ZHX3: variants seen among roughly 807,000 people sequenced by gnomAD.
ZHX3 encodes zinc fingers and homeoboxes protein 3.
ZHX3 carries 20 observed loss-of-function variants against 64.5 expected under a neutral mutation model. The observed-to-expected ratio is 0.31, with a 90% CI of 0.22 to 0.45. ZHX3 has a LOEUF of 0.45. ZHX3 is among the 20% of genes least tolerant of loss of function. The probability of loss-of-function intolerance (pLI) is 1.00; values close to 1 mark genes in which losing one functional copy is unlikely to be tolerated. For synonymous variants in ZHX3, 423 were observed against 461.6 expected (o/e 0.92, Z 1.07); for missense variants, 1,041 against 1,195.8 (o/e 0.87, Z 1.91).
At chr20:41,246,144 T>C (rs1272237978) in intron 2 of ZHX3, among the ~76,000 whole-genome samples, 1 of 152,240 alleles carries the variant, frequency 6.6e-6, no homozygotes, top group Non-Finnish European at 1.5e-5. Flanking sequence ...GTAGAATGAA[T>C]GCTGCATAAA....
At chr20:41,266,176 T>G (rs1050268914) in intron 2 of ZHX3, among the ~76,000 whole-genome samples, 3 of 152,122 alleles carry the variant, frequency 2.0e-5, no homozygotes, top group African/African-American at 7.2e-5. Flanking sequence ...AAGATTAATT[T>G]TAAAAGACTT....
At chr20:41,237,134 GA>G (rs780617078) in intron 2 of ZHX3, among the ~76,000 whole-genome samples, 1 of 152,160 alleles carries the variant, frequency 6.6e-6, no homozygotes, top group Non-Finnish European at 1.5e-5. Context: ...AGAGGATCTG[GA>G]AAAATAGGAA....
chr20:41,206,681 C>G (rs2038739851), intron 2 of ZHX3, among the ~76,000 whole-genome samples: 1 of 152,134 alleles, frequency 6.6e-6, no homozygotes, highest in Non-Finnish European at 1.5e-5. Flanking sequence ...GATTGGTGTA[C>G]CTGAAAATGA....
At chr20:41,292,297 T>G (rs1230157033) in intron 1 of ZHX3, among the ~76,000 whole-genome samples, 1 of 152,194 alleles carries the variant, frequency 6.6e-6, no homozygotes, top group African/African-American at 2.4e-5. Flanking sequence ...CTGAACATAT[T>G]AATCAACAGT....
At chr20:41,206,206 A>T (rs1187556882) in intron 2 of ZHX3, among the ~76,000 whole-genome samples, 1 of 152,248 alleles carries the variant, frequency 6.6e-6, no homozygotes. Context: ...AAACCAGAGC[A>T]GAAAAGCTGA....
At chr20:41,222,413 A>AG (rs902326437) in intron 2 of ZHX3, among the ~76,000 whole-genome samples, 1 of 152,200 alleles carries the variant, frequency 6.6e-6, no homozygotes, top group Admixed American at 6.5e-5. Flanking sequence ...GTCCTTTTCC[A>AG]GGGGAAAAAC....
intron 2 of ZHX3, among the ~76,000 whole-genome samples, chr20:41,235,187 G>C (rs1178775450): frequency 6.6e-6 from 1 of 151,816 alleles, no homozygotes; most frequent in Admixed American, 6.6e-5. Context: ...TGGTTCTATG[G>C]CAAACAACAA....
At chr20:41,259,780 T>C (rs985333625) in intron 2 of ZHX3, among the ~76,000 whole-genome samples, 5 of 152,158 alleles carry the variant, frequency 3.3e-5, no homozygotes, top group Non-Finnish European at 7.4e-5. Context: ...TCTGGGAGAA[T>C]AGGATTATCG....
chr20:41,224,241 C>T lies in ZHX3; in HGVS notation c.-150-19175G>A, dbSNP rs985850051. Among the ~76,000 whole-genome samples the T allele has an allele frequency of 6.6e-6, 1 of 152,130 alleles. No homozygotes were observed. Among genetic ancestry groups the T allele is most frequent in the African/African-American group, 2.4e-5 (1 of 41,442 alleles). On this transcript the variant is annotated intron_variant, in intron 2 of 3. Coordinates refer to ENST00000683867, the MANE Select transcript of ZHX3 (RefSeq NM_001384317.1). This position sits in a 1 kb window ranked among gnomAD's most constrained non-coding sequence, Gnocchi z 5.2. ...TCATTTATGACAATTTATTACAAAG[C>T]CCCTTTCTTAGTTGGACCTGGTTCC...
intron 2 of ZHX3, chr20:41,267,725 TGAA>T (rs981782936): frequency 2.6e-5 from 4 of 152,168 alleles, no homozygotes; most frequent in African/African-American, 7.2e-5. Flanking sequence ...AGCAGAAACC[TGAA>T]GAAGGAGGGC....
rs749456718 is a variant in ZHX3, at chr20:41,202,717, C to A, written c.2200G>T (p.Val734Phe). ...TCGTTCCTGCCATTGGCTTCAGTGA[C>A]CCTCAGGTTCTTCAGGTTGATTTTA... ...PIKINLKNLR[V>F]TEANGRNEIP... is the part of the protein sequence containing the mutation. The change falls in exon 3 of 4, where the codon GTC becomes TTC. Residue 734 changes from valine (V) to phenylalanine (F), a missense_variant. Transcript: ENST00000683867. The surrounding 1 kb of genome is among the most constrained non-coding windows in gnomAD (Gnocchi z 7.0). 1.2e-6 allele frequency: 2 copies of A among 1,614,168 alleles called. No individual in the cohort carries two copies. Among genetic ancestry groups the A allele is most frequent in the South Asian group, 2.2e-5 (2 of 91,082 alleles).
chr20:41,294,313 C>G (rs529288537), intron 1 of ZHX3, among the ~76,000 whole-genome samples: 1 of 152,148 alleles, frequency 6.6e-6, no homozygotes, highest in Non-Finnish European at 1.5e-5. Context: ...TGATGTCATA[C>G]CTTAAACTTA....
chr20:41,303,879 T>C (rs1202805452), intron 1 of ZHX3, among the ~76,000 whole-genome samples: 1 of 152,176 alleles, frequency 6.6e-6, no homozygotes, highest in Non-Finnish European at 1.5e-5. Flanking sequence ...CTTTTAAGCA[T>C]CAGCAGTGAA....
intron 2 of ZHX3, among the ~76,000 whole-genome samples, chr20:41,235,441 T>C (rs940890037): frequency 1.3e-5 from 2 of 152,198 alleles, no homozygotes; most frequent in African/African-American, 4.8e-5. Flanking sequence ...GTTGGCTTCA[T>C]ACCTAGGATG....
chr20:41,316,230 A>G (rs2045284412), intron 1 of ZHX3, among the ~76,000 whole-genome samples: 1 of 152,126 alleles, frequency 6.6e-6, no homozygotes, highest in Admixed American at 6.5e-5. Context: ...CCATCTTTCC[A>G]AGGCAGCAAC....
chr20:41,204,017 C>A lies in ZHX3; in HGVS notation c.900G>T (p.Met300Ile). 1 of 1,614,198 alleles carries A rather than the reference C, an allele frequency of 6.2e-7. No homozygotes were observed. The highest frequency in any genetic ancestry group is 8.5e-7 in the Non-Finnish European group (1 of 1,180,036). The change falls in exon 3 of 4, where the codon ATG becomes ATT. Residue 300 changes from methionine (M) to isoleucine (I), a missense_variant. Met to Ile is a conservative substitution (Grantham distance 10, BLOSUM62 1). Transcript: ENST00000683867. The surrounding 1 kb of genome is among the most constrained non-coding windows in gnomAD (Gnocchi z 6.6). ...ACGTTGGAATGCTGCTCAGGGGGAT[C>A]ATCACTTTGGGAAGGGCCTTGGCCG... ...LPTAKALPKV[M>I]IPLSSIPTYN...
At chr20:41,210,941 ACTATCCAGACATTACATAACATCCCTTAC>A (rs1431572424) in intron 2 of ZHX3, among the ~76,000 whole-genome samples, 1 of 152,204 alleles carries the variant, frequency 6.6e-6, no homozygotes, top group Non-Finnish European at 1.5e-5. Context: ...TAATCATTAC[ACTATCCAGACATTACATAACATCCCTTAC>A]CTGTGAATTT....
At chr20:41,287,954 C>T (rs1156791696) in intron 1 of ZHX3, among the ~76,000 whole-genome samples, 1 of 152,170 alleles carries the variant, frequency 6.6e-6, no homozygotes, top group Non-Finnish European at 1.5e-5. Context: ...AAGAAAGACA[C>T]CACTCTATAT....
At chr20:41,313,957 C>T (rs766316716) in intron 1 of ZHX3, among the ~76,000 whole-genome samples, 3 of 152,186 alleles carry the variant, frequency 2.0e-5, no homozygotes, top group Non-Finnish European at 2.9e-5. Flanking sequence ...ACCACCACTA[C>T]CAACTTCTTG....
Sources: gnomAD v4.1 joint callset for allele counts (sites outside exome capture counted in the v4.1 genomes callset) on GRCh38, gnomAD v4.1.1 for gene constraint, Gnocchi (gnomAD v3.1) non-coding constraint, MANE v1.5 for transcripts, NCBI Gene and HGNC (gene_info 2026-07-23, HGNC 2026-07-21) for gene names.